Variants in ATF6 observed in about 807,000 individuals in gnomAD.
The protein encoded by ATF6 is cyclic AMP-dependent transcription factor ATF-6 alpha.
Under a neutral mutation model 83.6 loss-of-function variants are expected in ATF6, and 53 were observed. The ratio of observed to expected loss-of-function variants is 0.63; its 90% CI spans 0.51 to 0.80. The LOEUF (loss-of-function observed/expected upper bound fraction) is 0.80, where lower values mean the gene tolerates loss of function less well. Ranked by LOEUF, ATF6 falls within the 30% of genes least tolerant of loss-of-function variation. The pLI, the probability that ATF6 is intolerant of heterozygous loss-of-function variation, is 0.00. For missense variants in ATF6, 744 were observed against 797.9 expected, an observed-to-expected ratio of 0.93 and a Z score of 0.81; for synonymous variants, 288 against 285.8, an observed-to-expected ratio of 1.01 and a Z score of -0.08.
rs187926947 is a variant in ATF6 at position 161,843,373 on chromosome 1, T to A, written c.1188-3076T>A. 1.4e-3 allele frequency among the ~76,000 whole-genome samples: 212 copies of A among 152,314 alleles called. 1 individual carries two copies. The highest frequency in any genetic ancestry group is 4.9e-3 in the African/African-American group (205 of 41,564). ...AGACTTGCTGTATTCTGATTTTTTT[T>A]ATCTTTCATCTTTGAGTCATTAGCA... is the stretch of plus-strand genomic sequence containing the variant. On this transcript the variant is annotated intron_variant, in intron 9 of 15. Transcript: ENST00000367942.
At chr1:161,869,427 T>C (rs1287534935) in intron 14 of ATF6, among the ~76,000 whole-genome samples, 1 of 151,980 alleles carries the variant, frequency 6.6e-6, no homozygotes. Flanking sequence ...GCTCCTTCTT[T>C]TGTTTCTGAG....
rs867131348 is a variant in ATF6, at chr1:161,781,049, T to G, written c.160-863T>G. On this transcript the variant is annotated intron_variant, in intron 2 of 15. Transcript: ENST00000367942. ...TATTTATGTATTAAGTTTACTTTTC[T>G]TTTTGTCTCTGTGACTCCAGACACT... 7.9e-5 allele frequency among the ~76,000 whole-genome samples: 12 copies of G among 152,330 alleles called. 1 individual carries two copies. The Middle Eastern group carries it at 0.014, about 173-fold the overall frequency.
At chr1:161,766,999 AC>A (rs1311805409) in intron 1 of ATF6, among the ~76,000 whole-genome samples, 1 of 152,086 alleles carries the variant, frequency 6.6e-6, no homozygotes, top group Non-Finnish European at 1.5e-5. Flanking sequence ...TGTAATCCTG[AC>A]TGCTCTCCAG....
At position 161,780,848 on chromosome 1, in the gene ATF6, C is replaced by T. The variant is rs184756805; in HGVS notation, c.160-1064C>T. Among the ~76,000 whole-genome samples the T allele has an allele frequency of 6.0e-4, 91 of 152,026 alleles. 1 individual carries two copies. In the East Asian group the frequency reaches 0.015, roughly 24 times the overall value. On this transcript the variant is annotated intron_variant, in intron 2 of 15. Transcript: ENST00000367942. The stretch of plus-strand genomic sequence containing the variant: ...CCCCAGCCTCCAGAATAGCTGGGAC[C>T]GTAGGTGCACGCCACTATGCCCAGC...
chr1:161,782,155 C>T (rs1463209654), intron 3 of ATF6, among the ~76,000 whole-genome samples, 156 bp downstream of exon 3: 1 of 152,180 alleles, frequency 6.6e-6, no homozygotes, highest in Non-Finnish European at 1.5e-5. Flanking sequence ...ATTATGTAAA[C>T]AAATTTCTTG....
At chr1:161,820,529 G>A (rs1295281980) in intron 8 of ATF6, among the ~76,000 whole-genome samples, 1 of 152,152 alleles carries the variant, frequency 6.6e-6, no homozygotes, top group Non-Finnish European at 1.5e-5. Context: ...GAGGCAGGCG[G>A]ATCACAAGGT....
intron 15 of ATF6, among the ~76,000 whole-genome samples, chr1:161,943,395 C>A (rs1688690268): frequency 6.6e-6 from 1 of 152,180 alleles, no homozygotes. Flanking sequence ...TGAGGCCTCC[C>A]CAGCAATGTG....
intron 7 of ATF6, among the ~76,000 whole-genome samples, chr1:161,817,391 A>G (rs542939113): frequency 1.3e-5 from 2 of 152,328 alleles, no homozygotes; most frequent in South Asian, 4.1e-4. Flanking sequence ...TGGCATTCTA[A>G]GTAACATGAA....
chr1:161,893,187 A>G (rs934857610), intron 14 of ATF6, among the ~76,000 whole-genome samples: 1 of 150,612 alleles, frequency 6.6e-6, no homozygotes, highest in Non-Finnish European at 1.5e-5. Context: ...TTTTTTTGAG[A>G]TGGAGTTTCG....
At chr1:161,935,758 A>G (rs1688522939) in intron 15 of ATF6, among the ~76,000 whole-genome samples, 1 of 152,262 alleles carries the variant, frequency 6.6e-6, no homozygotes, top group South Asian at 2.1e-4. Context: ...GATTTAATAT[A>G]TTCTATAAAG....
At position 161,827,842 on chromosome 1, in the gene ATF6, A is replaced by G. The variant is rs113596608; in HGVS notation, c.1187+6681A>G. 2.6e-3 allele frequency among the ~76,000 whole-genome samples: 391 copies of G among 152,318 alleles called. 3 individuals are homozygous for G. Among genetic ancestry groups the G allele is most frequent in the African/African-American group, 8.7e-3 (363 of 41,564 alleles). On this transcript the variant is annotated intron_variant, in intron 9 of 15. Coordinates refer to ENST00000367942, the MANE Select transcript of ATF6 (RefSeq NM_007348.4). ...AATAGACGTCACACAGGAAAAAAAA[A>G]TAAACTAAATGGACTTATAAGGGTT...
intron 4 of ATF6, among the ~76,000 whole-genome samples, chr1:161,785,997 A>ACT (rs1252175961): frequency 6.7e-6 from 1 of 149,350 alleles, no homozygotes; most frequent in Non-Finnish European, 1.5e-5. Flanking sequence ...TTGGAGATGA[A>ACT]CTCTCTCTCT....
chr1:161,922,082 A>AT (rs1471423151), intron 15 of ATF6, among the ~76,000 whole-genome samples: 1 of 152,182 alleles, frequency 6.6e-6, no homozygotes, highest in Non-Finnish European at 1.5e-5. Flanking sequence ...ATATTGTTGC[A>AT]TTAGTATTTT....
At chr1:161,935,308 A>T (rs1411381290) in intron 15 of ATF6, among the ~76,000 whole-genome samples, 2 of 152,192 alleles carry the variant, frequency 1.3e-5, no homozygotes, top group Admixed American at 1.3e-4. Context: ...CCATACTGTG[A>T]TATGGAGCCT....
chr1:161,901,684 G>A (rs1441372023), intron 14 of ATF6, among the ~76,000 whole-genome samples: 2 of 152,100 alleles, frequency 1.3e-5, no homozygotes, highest in African/African-American at 2.4e-5. Flanking sequence ...AAGGGAAGGA[G>A]TACTTTAATA....
At chr1:161,905,840 G>GT (rs534952923) in intron 14 of ATF6, among the ~76,000 whole-genome samples, 52 of 149,664 alleles carry the variant, frequency 3.5e-4, no homozygotes, top group Non-Finnish European at 5.3e-4. Flanking sequence ...TTTGTTTTTT[G>GT]TTTTTTTTTG....
chr1:161,949,611 G>A (rs1688822123), intron 15 of ATF6, among the ~76,000 whole-genome samples: 1 of 152,200 alleles, frequency 6.6e-6, no homozygotes, highest in African/African-American at 2.4e-5. Context: ...TTCTGGTGAG[G>A]GCCTCAGGCT....
chr1:161,894,561 G>A (rs1419357199), intron 14 of ATF6, among the ~76,000 whole-genome samples: 3 of 82,550 alleles, frequency 3.6e-5, no homozygotes, highest in Non-Finnish European at 6.4e-5. Flanking sequence ...TTTTGAGACA[G>A]AGTTTCACTC....
chr1:161,943,797 C>T (rs888783434), intron 15 of ATF6, among the ~76,000 whole-genome samples: 4 of 152,206 alleles, frequency 2.6e-5, no homozygotes, highest in Non-Finnish European at 5.9e-5. Context: ...AAATTCCAGT[C>T]TAGCCCCTAA....
Sources: allele counts gnomAD v4.1 joint callset (sites outside exome capture counted in the v4.1 genomes callset), GRCh38; gene constraint gnomAD v4.1.1; transcripts MANE v1.5; gene names NCBI Gene and HGNC (gene_info 2026-07-23, HGNC 2026-07-21).